The following LARS2 variants were observed in gnomAD, a reference collection of about 807,000 sequenced individuals.
The protein encoded by LARS2 is leucyl-tRNA synthetase 2, mitochondrial.
A neutral mutation model predicts 116.6 loss-of-function variants in LARS2; 81 were observed. The ratio of observed to expected loss-of-function variants is 0.69; its 90% CI spans 0.58 to 0.84. The LOEUF (loss-of-function observed/expected upper bound fraction) is 0.84. LARS2 is among the 40% of genes least tolerant of loss of function. LARS2 has a pLI of 0.00. For synonymous variants in LARS2, 396 were observed against 407.2 expected, an observed-to-expected ratio of 0.97 and a Z score of 0.33; for missense variants, 968 against 1,114.5, an observed-to-expected ratio of 0.87 and a Z score of 1.87.
chr3:45,504,136 C>T (rs1011266539), intron 15 of LARS2, among the ~76,000 whole-genome samples: 3 of 151,836 alleles, frequency 2.0e-5, no homozygotes, highest in East Asian at 3.8e-4. Context: ...TTTATGTAAG[C>T]GGTCACCTAT....
At chr3:45,410,661 G>C (rs1559459346) in intron 4 of LARS2, among the ~76,000 whole-genome samples, 2 of 152,150 alleles carry the variant, frequency 1.3e-5, no homozygotes, top group Non-Finnish European at 2.9e-5. Flanking sequence ...CCACATGCCA[G>C]CTTTATTTTC....
At chr3:45,498,664 A>C (rs571739876) in intron 14 of LARS2, among the ~76,000 whole-genome samples, 1 of 152,118 alleles carries the variant, frequency 6.6e-6, no homozygotes, top group Non-Finnish European at 1.5e-5. Context: ...CAAATATTCG[A>C]AGTCCTCCAA....
At chr3:45,544,187 G>A (rs267254) in intron 21 of LARS2, among the ~76,000 whole-genome samples, 134,366 of 152,262 alleles carry the variant, frequency 0.88, 61,632 homozygotes, top group East Asian at 1. Context: ...CTTTGTGCCT[G>A]TGACATGCTG....
In LARS2 at chr3:45,458,833, G is replaced by A. The variant is rs1699260835; in HGVS notation, c.697G>A (p.Val233Met). Residue 233 changes from valine (V) to methionine (M), a missense_variant, in exon 8 of 22, where the codon GTG (valine) becomes ATG (methionine). Coordinates refer to ENST00000645846, the MANE Select transcript of LARS2 (RefSeq NM_015340.4). ...HGCSWRSGAK[V>M]EQKYLRQWFI... ...CTGTTCATGGCGTTCTGGAGCAAAG[G>A]TGGAACAGAAGTACCTCAGACAATG... 6.2e-7 allele frequency: 1 copy of A among 1,614,118 alleles called. No individual in the cohort carries two copies. The highest frequency in any genetic ancestry group is 8.5e-7 in the Non-Finnish European group (1 of 1,179,972).
rs558285711 is a variant in LARS2, at chr3:45,482,314, T to C, written c.1019-3378T>C. 2.0e-5 allele frequency among the ~76,000 whole-genome samples: 3 copies of C among 152,386 alleles called. No homozygotes were observed. In the South Asian group the frequency reaches 6.2e-4, roughly 32 times the overall value. ...GGGGCTATTATGGAGATAACTGCTG[T>C]GACCATTTATGTCCACATGGCTCTT... is the stretch of plus-strand genomic sequence containing the variant. On this transcript the variant is annotated intron_variant, in intron 10 of 21. Transcript: ENST00000645846.
rs1246230866 is a variant in LARS2 at position 45,489,344 on chromosome 3, G to A, written c.1239+532G>A. On this transcript the variant is annotated intron_variant, in intron 12 of 21. Coordinates refer to ENST00000645846, the MANE Select transcript of LARS2 (RefSeq NM_015340.4). ...CTGGAAAGTAGGATGGAAGAGGTAG[G>A]GTGAGGGATGGGAGCAGGTAGTGGG... 2.0e-5 allele frequency among the ~76,000 whole-genome samples: 3 copies of A among 152,220 alleles called. No individual in the cohort carries two copies. The East Asian group carries it at 5.8e-4, about 29-fold the overall frequency.
chr3:45,488,584 A>AC, intron 11 of LARS2, 113 bp from the exon 12 acceptor site: 1 of 681,662 alleles, frequency 1.5e-6, no homozygotes, highest in Admixed American at 2.4e-5. Flanking sequence ...AACTTCTATA[A>AC]CTAAAAGAGA....
intron 20 of LARS2, among the ~76,000 whole-genome samples, chr3:45,540,746 G>GTCTGTC (rs763247398): frequency 6.7e-6 from 1 of 149,112 alleles, no homozygotes; most frequent in African/African-American, 2.5e-5. Flanking sequence ...GTATCTATCT[G>GTCTGTC]TCTATCTATC....
In LARS2 at chr3:45,523,780, T is replaced by C. The variant is rs545899106; in HGVS notation, c.2293-217T>C. On this transcript the variant is annotated intron_variant, in intron 19 of 21. Transcript: ENST00000645846. The stretch of plus-strand genomic sequence containing the variant: ...TCAAATTCTTGGCCTCCCAAAGTAG[T>C]GGGAGTATAAGTGTCAGCTACCACA... Among the ~76,000 whole-genome samples, 41 of 151,880 alleles carry C rather than the reference T, an allele frequency of 2.7e-4. 1 individual carries two copies. The South Asian group carries it at 7.7e-3, about 29-fold the overall frequency.
chr3:45,471,930 A>G (rs1338051179), intron 8 of LARS2, among the ~76,000 whole-genome samples: 1 of 152,228 alleles, frequency 6.6e-6, no homozygotes, highest in African/African-American at 2.4e-5. Context: ...CTACAATGAC[A>G]TCGAGGCATT....
At chr3:45,479,240 T>C (rs1303944683) in intron 10 of LARS2, among the ~76,000 whole-genome samples, 1 of 152,208 alleles carries the variant, frequency 6.6e-6, no homozygotes, top group African/African-American at 2.4e-5. Flanking sequence ...AAGTTTAGCC[T>C]TCCTGGCAGA....
intron 6 of LARS2, among the ~76,000 whole-genome samples, chr3:45,435,917 A>T (rs1308568887): frequency 6.6e-6 from 1 of 151,944 alleles, no homozygotes; most frequent in Non-Finnish European, 1.5e-5. Context: ...GTAGAAGATC[A>T]GCATGTGTGG....
chr3:45,410,319 T>G (rs1042796218), intron 4 of LARS2, among the ~76,000 whole-genome samples: 8 of 152,188 alleles, frequency 5.3e-5, no homozygotes, highest in Admixed American at 1.3e-4. Flanking sequence ...TTTTTTTTTT[T>G]TTTTTTGCTC....
chr3:45,430,746 G>T (rs1326491506), intron 6 of LARS2, among the ~76,000 whole-genome samples: 1 of 147,986 alleles, frequency 6.8e-6, no homozygotes, highest in Admixed American at 6.8e-5. Flanking sequence ...CACCACGCCG[G>T]ACTAATTTTT....
chr3:45,462,179 C>T lies in LARS2; in HGVS notation c.750+3293C>T, dbSNP rs79719516. Reference sequence around the variant, plus strand: ...CACATAACAGGCTGCCAAGACTGAACTGGGATAGGGTTCTGGGTTGTCATC... The same window carrying T: ...CACATAACAGGCTGCCAAGACTGAATTGGGATAGGGTTCTGGGTTGTCATC... On this transcript the variant is annotated intron_variant, in intron 8 of 21. Coordinates refer to ENST00000645846, the MANE Select transcript of LARS2 (RefSeq NM_015340.4). Among the ~76,000 whole-genome samples, 1,369 of 152,248 alleles carry T rather than the reference C, an allele frequency of 9.0e-3. 9 individuals are homozygous for T. The highest frequency in any genetic ancestry group is 0.014 in the Non-Finnish European group (944 of 68,016).
rs117629080 is a variant in LARS2 at position 45,394,888 on chromosome 3, G to T, written c.234+201G>T. Among the ~76,000 whole-genome samples the T allele has an allele frequency of 2.0e-5, 3 of 152,290 alleles. No individual in the cohort carries two copies. The East Asian group carries it at 5.8e-4, about 29-fold the overall frequency. ...ACCTGCACTATTGGGAGGGGTAAATGGATTGGGAGGCATAAATGAGGTGAT... is the reference window on the plus strand; with the variant it reads ...ACCTGCACTATTGGGAGGGGTAAATTGATTGGGAGGCATAAATGAGGTGAT... On this transcript the variant is annotated intron_variant, in intron 3 of 21. Coordinates refer to ENST00000645846, the MANE Select transcript of LARS2 (RefSeq NM_015340.4).
intron 20 of LARS2, chr3:45,541,490 GCT>G: frequency 3.8e-6 from 1 of 265,506 alleles, no homozygotes; most frequent in Non-Finnish European, 7.1e-6. Flanking sequence ...TTTGGAATCA[GCT>G]CTCAGGGTAG....
chr3:45,441,627 G>A lies in LARS2; in HGVS notation c.517-5264G>A, dbSNP rs186170521. Among the ~76,000 whole-genome samples, 177 of 152,300 alleles carry A rather than the reference G, an allele frequency of 1.2e-3. 1 individual carries two copies. The highest frequency in any genetic ancestry group is 3.8e-3 in the African/African-American group (160 of 41,564). On this transcript the variant is annotated intron_variant, in intron 6 of 21. Transcript: ENST00000645846. ...GGCACATGGAAGGTGGCTGAGTGCT[G>A]TGATTCTTCCTTCACAGACCAAGTA... is the stretch of plus-strand genomic sequence containing the variant.
At chr3:45,477,508 G>A (rs1003011286) in intron 10 of LARS2, among the ~76,000 whole-genome samples, 1 of 152,220 alleles carries the variant, frequency 6.6e-6, no homozygotes, top group Non-Finnish European at 1.5e-5. Flanking sequence ...TTGGCAAAGA[G>A]AGGCCAGGCA....
Sources: gnomAD v4.1 joint callset for allele counts (sites outside exome capture counted in the v4.1 genomes callset) on GRCh38, gnomAD v4.1.1 for gene constraint, MANE v1.5 for transcripts, NCBI Gene and HGNC (gene_info 2026-07-23, HGNC 2026-07-21) for gene names.